Variants in ACAD8 observed in about 807,000 individuals in gnomAD.
ACAD8 encodes the protein acyl-CoA dehydrogenase family member 8, also known as isobutyryl-CoA dehydrogenase, mitochondrial.
A neutral mutation model predicts 53.1 loss-of-function variants in ACAD8; 47 were observed. The observed-to-expected ratio is 0.89, with a 90% CI of 0.70 to 1.13. ACAD8 has a LOEUF of 1.13. ACAD8 is among the 50% of genes most tolerant of loss of function. The pLI is 0.00. For synonymous variants in ACAD8, 198 were observed against 201.3 expected (o/e 0.98, Z 0.14); for missense variants, 494 against 535.0 (o/e 0.92, Z 0.76).
chr11:134,258,946 G>A, intron 4 of ACAD8, 62 bp from the exon 5 acceptor site: 1 of 1,340,522 alleles, frequency 7.5e-7, no homozygotes, highest in South Asian at 1.2e-5. Flanking sequence ...GAATTGTGCT[G>A]GGCTCCCTCG....
intron 6 of ACAD8, chr11:134,260,213 A>T: frequency 9.2e-7 from 1 of 1,088,444 alleles, no homozygotes; most frequent in Non-Finnish European, 1.1e-6. Flanking sequence ...TAGGTACTGT[A>T]AGTAATTTGA....
chr11:134,261,915 G>A lies in ACAD8; in HGVS notation c.1092+25G>A. 6.2e-7 allele frequency: 1 copy of A among 1,612,390 alleles called. No homozygotes were observed. Among genetic ancestry groups the A allele is most frequent in the African/African-American group, 1.3e-5 (1 of 75,040 alleles). On this transcript the variant is annotated intron_variant, in intron 9 of 10. Transcript: ENST00000281182. The surrounding 1 kb of genome is among the most constrained non-coding windows in gnomAD (Gnocchi z 4.2). ...CGTAAGTGATTCCTCTGGCTCTCCT[G>A]GGATGGACAGGGAACAGCTGCTAGG...
At chr11:134,260,373 G>A (rs1939810352) in intron 6 of ACAD8, 1 of 218,146 alleles carries the variant, frequency 4.6e-6, no homozygotes, top group African/African-American at 2.4e-5. Context: ...TCTCTAGTTT[G>A]TACTGTTATG....
intron 1 of ACAD8, among the ~76,000 whole-genome samples, chr11:134,254,000 C>A (rs1198250274): frequency 1.4e-5 from 2 of 143,708 alleles, no homozygotes; most frequent in Non-Finnish European, 3.1e-5. Flanking sequence ...ACCCCCGCCC[C>A]GGTCCTCCTC....
chr11:134,264,816 T>G, intron 10 of ACAD8, 92 bp from the exon 11 acceptor site: 1 of 1,139,234 alleles, frequency 8.8e-7, no homozygotes, highest in Non-Finnish European at 1.3e-6. Flanking sequence ...CTGCAGCTAC[T>G]CTGAACTAGG....
At chr11:134,256,526 G>T in intron 1 of ACAD8, 22 bp from the exon 2 acceptor site, 2 of 1,602,546 alleles carry the variant, frequency 1.2e-6, no homozygotes, top group Non-Finnish European at 1.7e-6. Context: ...TCCTAGAACA[G>T]TATATGCAAT....
In ACAD8 at chr11:134,261,966, C is replaced by G; in HGVS notation, c.1092+76C>G. The G allele has an allele frequency of 1.3e-6, 2 of 1,562,354 alleles. No homozygotes were observed. The highest frequency in any genetic ancestry group is 1.7e-6 in the Non-Finnish European group (2 of 1,145,644). ...CCCAGGGGTCTTGAGAGACATGAGT[C>G]AGATTTGGAACCCAGCCCTCCTGGA... On this transcript the variant is annotated intron_variant, in intron 9 of 10. Transcript: ENST00000281182. The surrounding 1 kb of genome is among the most constrained non-coding windows in gnomAD (Gnocchi z 4.2).
In ACAD8 at chr11:134,261,662, T is replaced by A; in HGVS notation, c.940-76T>A. 6.2e-7 allele frequency: 1 copy of A among 1,604,528 alleles called. No individual in the cohort carries two copies. Among genetic ancestry groups the A allele is most frequent in the Non-Finnish European group, 8.5e-7 (1 of 1,179,326 alleles). On this transcript the variant is annotated intron_variant, in intron 8 of 10. Transcript: ENST00000281182. The surrounding 1 kb of genome is among the most constrained non-coding windows in gnomAD (Gnocchi z 4.2). ...ACTTAGAAAAGGCGCCTCCGAGATG[T>A]CTTACCGAGGCTCCTGCACCAGGTG...
intron 1 of ACAD8, 104 bp downstream of exon 1, chr11:134,253,813 C>T: frequency 8.1e-7 from 1 of 1,228,416 alleles, no homozygotes; most frequent in South Asian, 1.3e-5. Flanking sequence ...ACCCCGGCGT[C>T]AGCTCCCCTT....
intron 6 of ACAD8, chr11:134,260,118 T>C: frequency 2.5e-6 from 3 of 1,176,614 alleles, no homozygotes; most frequent in Non-Finnish European, 3.2e-6. Flanking sequence ...GGAAGGCGTG[T>C]GGTCCCTTTT....
rs763496750 is a variant in ACAD8, at chr11:134,261,927, G to C, written c.1092+37G>C. On this transcript the variant is annotated intron_variant, in intron 9 of 10. Transcript: ENST00000281182. The surrounding 1 kb of genome is among the most constrained non-coding windows in gnomAD (Gnocchi z 4.2). ...CTCTGGCTCTCCTGGGATGGACAGG[G>C]AACAGCTGCTAGGCCCAGGGGTCTT... is the stretch of plus-strand genomic sequence containing the variant. 16 of 1,611,136 alleles carry C rather than the reference G, an allele frequency of 9.9e-6. No individual in the cohort carries two copies. The South Asian group carries it at 1.8e-4, about 18-fold the overall frequency.
Position 134,259,098 on chromosome 11 carries a change from T to C in ACAD8, c.567+14T>C. 1 of 1,612,838 alleles carries C rather than the reference T, an allele frequency of 6.2e-7. No individual in the cohort carries two copies. Among genetic ancestry groups the C allele is most frequent in the Non-Finnish European group, 8.5e-7 (1 of 1,178,814 alleles). ...AATGGCTCCAAGGTACTAGCGTGCG[T>C]CCTCCCAGAGCACTTTGGAGATTGT... On this transcript the variant is annotated intron_variant, in intron 5 of 10. Transcript: ENST00000281182.
chr11:134,264,129 G>A (rs914128773), intron 10 of ACAD8: 3 of 866,300 alleles, frequency 3.5e-6, no homozygotes, highest in Non-Finnish European at 4.2e-6. Context: ...TGGATCGCGT[G>A]AGGCCAGGAG....
At chr11:134,259,111 CTTTGGAGA>C in intron 5 of ACAD8, 27 bp downstream of exon 5, 1 of 1,603,410 alleles carries the variant, frequency 6.2e-7, no homozygotes, top group Non-Finnish European at 8.5e-7. Flanking sequence ...TCCCAGAGCA[CTTTGGAGA>C]TTGTTCCCAG....
In ACAD8 at chr11:134,259,717, G is replaced by A; in HGVS notation, c.677G>A (p.Gly226Asp). 2 of 1,614,204 alleles carry A rather than the reference G, an allele frequency of 1.2e-6. No homozygotes were observed. Among genetic ancestry groups the A allele is most frequent in the Non-Finnish European group, 1.7e-6 (2 of 1,180,036 alleles). Reference protein sequence around the residue: ...SCIVVEKGTPGLSFGKKEKKV... With the variant: ...SCIVVEKGTPDLSFGKKEKKV... ...ATAGTTGTTGAGAAGGGGACCCCTGGCCTCAGCTTTGGCAAGAAGGAGAAA... is the reference window on the plus strand; with the variant it reads ...ATAGTTGTTGAGAAGGGGACCCCTGACCTCAGCTTTGGCAAGAAGGAGAAA... Residue 226 changes from glycine to aspartate, a missense_variant, in exon 6 of 11, where the codon GGC becomes GAC. By Grantham distance (94) the Gly-to-Asp change is moderately conservative. Coordinates refer to ENST00000281182, the MANE Select transcript of ACAD8 (RefSeq NM_014384.3).
chr11:134,260,994 C>A, intron 6 of ACAD8, 50 bp from the exon 7 acceptor site: 1 of 1,602,918 alleles, frequency 6.2e-7, no homozygotes, highest in Non-Finnish European at 8.5e-7. Context: ...GGGAAGGCCG[C>A]CCTACCTGCT....
At chr11:134,257,049 G>A in intron 2 of ACAD8, 39 bp from the exon 3 acceptor site, 1 of 1,613,382 alleles carries the variant, frequency 6.2e-7, no homozygotes, top group Non-Finnish European at 8.5e-7. Flanking sequence ...GGCCGTCTCT[G>A]AATCAGCTGC....
Position 134,253,663 on chromosome 11 carries a change from G to T in ACAD8, c.63G>T (p.Arg21=). The stretch of plus-strand genomic sequence containing the variant: ...TCGGCTGCCTGCCCGGCGGTCTCCG[G>T]GTCCTCGTCCAGACCGGCCACCGGA... ...ARLGCLPGGL[R]VLVQTGHRSL... The change falls in exon 1 of 11, where the codon CGG becomes CGT. Residue 21 remains arginine, a synonymous_variant. Transcript: ENST00000281182. 3 of 1,599,270 alleles carry T rather than the reference G, an allele frequency of 1.9e-6. No individual in the cohort carries two copies. The highest frequency in any genetic ancestry group is 2.6e-6 in the Non-Finnish European group (3 of 1,174,332).
At position 134,259,673 on chromosome 11, in the gene ACAD8, C is replaced by T. The variant is rs763629898; in HGVS notation, c.633C>T (p.Gly211=). Reference sequence around the variant, plus strand: ...TCATGTGCCGAACAGGAGGACCAGGCCCCAAGGGCATCTCATGCATAGTTG... The same window carrying T: ...TCATGTGCCGAACAGGAGGACCAGGTCCCAAGGGCATCTCATGCATAGTTG... The part of the protein sequence containing the change: ...YVVMCRTGGP[G]PKGISCIVVE... Residue 211 remains glycine, a synonymous_variant, in exon 6 of 11, where the codon GGC becomes GGT. Coordinates refer to ENST00000281182, the MANE Select transcript of ACAD8 (RefSeq NM_014384.3). 6.2e-7 allele frequency: 1 copy of T among 1,614,180 alleles called. No individual in the cohort carries two copies. The highest frequency in any genetic ancestry group is 1.1e-5 in the South Asian group (1 of 91,088).
Sources: allele counts gnomAD v4.1 joint callset (sites outside exome capture counted in the v4.1 genomes callset), GRCh38; gene constraint gnomAD v4.1.1; non-coding constraint Gnocchi (gnomAD v3.1); transcripts MANE v1.5; gene names NCBI Gene and HGNC (gene_info 2026-07-23, HGNC 2026-07-21).